The following TTBK2 variants were observed in gnomAD, a reference collection of about 807,000 sequenced individuals.
TTBK2 encodes the protein tau-tubulin kinase 2.
A neutral mutation model predicts 110.8 loss-of-function variants in TTBK2; 28 were observed. That is an observed-to-expected ratio of 0.25 (90% CI 0.19 to 0.35). The LOEUF (loss-of-function observed/expected upper bound fraction) is 0.35, where lower values mean the gene tolerates loss of function less well. Among genes scored for constraint, TTBK2 ranks in the 10% least tolerant of loss-of-function variants. TTBK2 has a pLI of 1.00. For missense variants in TTBK2, 1,369 were observed against 1,500.3 expected, an observed-to-expected ratio of 0.91 and a Z score of 1.45; for synonymous variants, 532 against 527.3, an observed-to-expected ratio of 1.01 and a Z score of -0.12.
At chr15:42,782,604 T>C (rs1890224580) in intron 11 of TTBK2, among the ~76,000 whole-genome samples, 1 of 152,236 alleles carries the variant, frequency 6.6e-6, no homozygotes. Flanking sequence ...TAAATTGTCT[T>C]CAATATTTAG....
chr15:42,793,847 A>T (rs12324174), intron 10 of TTBK2, among the ~76,000 whole-genome samples: 131 of 152,226 alleles, frequency 8.6e-4, no homozygotes, highest in African/African-American at 3.0e-3. Flanking sequence ...TTAAAAAAAA[A>T]AAAAATAAAA....
intron 3 of TTBK2, among the ~76,000 whole-genome samples, chr15:42,848,159 G>T (rs1820581579): frequency 6.6e-6 from 1 of 152,098 alleles, no homozygotes; most frequent in Admixed American, 6.5e-5. Context: ...GCCTCACAAA[G>T]ACATTTTTAA....
chr15:42,752,777 A>G lies in TTBK2; in HGVS notation c.2469T>C (p.Leu823=), dbSNP rs2061885761. 1 of 1,614,160 alleles carries G rather than the reference A, an allele frequency of 6.2e-7. No homozygotes were observed. Among genetic ancestry groups the G allele is most frequent in the Non-Finnish European group, 8.5e-7 (1 of 1,180,028 alleles). ...EKDHSATTEP[L]DVTKTQTFSV... ...TAAAAGTCTGTGTTTTTGTCACATC[A>G]AGAGGTTCAGTAGTAGCTGAGTGAT... The change falls in exon 14 of 15, where the codon CTT becomes CTC. Residue 823 remains leucine (L), a synonymous_variant. Transcript: ENST00000267890.
chr15:42,901,204 T>C (rs1216987871), intron 1 of TTBK2, among the ~76,000 whole-genome samples: 3 of 151,492 alleles, frequency 2.0e-5, no homozygotes, highest in Non-Finnish European at 4.4e-5. Flanking sequence ...CTACTAAAAA[T>C]ACAAAAAATT....
At chr15:42,760,711 G>A (rs1402096477) in intron 13 of TTBK2, among the ~76,000 whole-genome samples, 1 of 152,140 alleles carries the variant, frequency 6.6e-6, no homozygotes, top group Non-Finnish European at 1.5e-5. Context: ...GGTATCTCAT[G>A]CTCTTGTATT....
chr15:42,757,668 A>G (rs974562429), intron 13 of TTBK2, among the ~76,000 whole-genome samples: 4 of 152,250 alleles, frequency 2.6e-5, no homozygotes, highest in Non-Finnish European at 4.4e-5. Flanking sequence ...TCCTTAAACT[A>G]TAAAGACATA....
chr15:42,855,813 C>T (rs1304109520), intron 3 of TTBK2, among the ~76,000 whole-genome samples: 16 of 152,190 alleles, frequency 1.1e-4, no homozygotes, highest in Non-Finnish European at 2.2e-4. Flanking sequence ...GCCTCCCGAG[C>T]AGCTGGGACT....
rs1428600731 is a variant in TTBK2 at position 42,777,042 on chromosome 15, G to C, written c.1398C>G (p.Phe466Leu). The C allele has an allele frequency of 1.2e-6, 2 of 1,614,016 alleles. No individual in the cohort carries two copies. The highest frequency in any genetic ancestry group is 1.7e-6 in the Non-Finnish European group (2 of 1,179,938). ...TLEPKPDTDK[F>L]LETCLEKMQK... ...ACACTATTTTATACCAGGTCTCAAGGAACTTGTCAGTGTCTGGCTTTGGCT... is the reference window on the plus strand; with the variant it reads ...ACACTATTTTATACCAGGTCTCAAGCAACTTGTCAGTGTCTGGCTTTGGCT... The change falls in exon 12 of 15, where the codon TTC becomes TTG. Residue 466 changes from phenylalanine (F) to leucine (L), a missense_variant. By Grantham distance (22) the Phe-to-Leu change is conservative. Coordinates refer to ENST00000267890, the MANE Select transcript of TTBK2 (RefSeq NM_173500.4).
At chr15:42,788,053 C>T (rs1890484840) in intron 10 of TTBK2, among the ~76,000 whole-genome samples, 1 of 151,986 alleles carries the variant, frequency 6.6e-6, no homozygotes, top group Admixed American at 6.5e-5. Flanking sequence ...GGTATTATAA[C>T]ATTATCTAAA....
chr15:42,743,184 A>G lies in TTBK2; in HGVS notation c.*2611T>C, dbSNP rs973568286. 1 of 152,254 alleles carries G rather than the reference A, an allele frequency of 6.6e-6. No individual in the cohort carries two copies. Among genetic ancestry groups the G allele is most frequent in the Non-Finnish European group, 1.5e-5 (1 of 68,046 alleles). 9.4% of individuals were successfully genotyped at this position (152,254 alleles called of 1,614,324 possible). A position where few individuals can be genotyped will look rare whatever the true frequency, so the allele number is the denominator to read the frequency against. ...GTTAATTCTTTCCTCTACATGCAAA[A>G]TAAAATATTCTTAAACGATGGACTG... On this transcript the variant is annotated 3_prime_UTR_variant, in exon 15 of 15. Coordinates refer to ENST00000267890, the MANE Select transcript of TTBK2 (RefSeq NM_173500.4).
At chr15:42,882,386 G>A (rs960547011) in intron 1 of TTBK2, among the ~76,000 whole-genome samples, 8 of 152,090 alleles carry the variant, frequency 5.3e-5, no homozygotes, top group African/African-American at 1.9e-4. Flanking sequence ...ATCACCTGAG[G>A]TCAGGAGTTT....
chr15:42,816,085 A>ATATATATATATATATATAT (rs1567040790), intron 7 of TTBK2, among the ~76,000 whole-genome samples: 1 of 67,448 alleles, frequency 1.5e-5, no homozygotes, highest in Non-Finnish European at 2.4e-5. Context: ...TAAATAAATA[A>ATATATATATATATATATAT]ATATATATAT....
intron 9 of TTBK2, chr15:42,800,279 C>T (rs915294733): frequency 2.1e-5 from 9 of 438,658 alleles, no homozygotes; most frequent in Middle Eastern, 3.3e-4. Flanking sequence ...TGACTATATA[C>T]CTATATGCAG....
intron 13 of TTBK2, among the ~76,000 whole-genome samples, chr15:42,764,051 T>C (rs1026474067): frequency 6.6e-6 from 1 of 152,166 alleles, no homozygotes; most frequent in Non-Finnish European, 1.5e-5. Flanking sequence ...AGGCCTGTAA[T>C]TGCATATTAT....
At chr15:42,794,547 T>C (rs971515274) in intron 10 of TTBK2, 97 bp downstream of exon 10, 79 of 1,539,930 alleles carry the variant, frequency 5.1e-5, no homozygotes, top group Admixed American at 8.4e-5. Context: ...CCGGATGTCT[T>C]AGCATTTGGT....
Position 42,848,032 on chromosome 15 carries a change from T to C in TTBK2, c.218-7599A>G, listed in dbSNP as rs571334286. Among the ~76,000 whole-genome samples, 9 of 152,274 alleles carry C rather than the reference T, an allele frequency of 5.9e-5. No individual in the cohort carries two copies. The East Asian group carries it at 7.7e-4, about 13-fold the overall frequency. Reference sequence around the variant, plus strand: ...GAGTTTATTTTTTTTTCTTAGTTTATAGAGATGCGGGTCTCACTAGGTGTT... The same window carrying C: ...GAGTTTATTTTTTTTTCTTAGTTTACAGAGATGCGGGTCTCACTAGGTGTT... On this transcript the variant is annotated intron_variant, in intron 3 of 14. Coordinates refer to ENST00000267890, the MANE Select transcript of TTBK2 (RefSeq NM_173500.4).
chr15:42,750,875 A>G (rs1198740533), intron 14 of TTBK2, among the ~76,000 whole-genome samples: 1 of 152,226 alleles, frequency 6.6e-6, no homozygotes, highest in East Asian at 1.9e-4. Flanking sequence ...AAATTATCAG[A>G]ACACTTCTCA....
chr15:42,814,767 CGTT>C (rs1404024527), intron 7 of TTBK2, among the ~76,000 whole-genome samples: 1 of 152,168 alleles, frequency 6.6e-6, no homozygotes, highest in Non-Finnish European at 1.5e-5. Context: ...AACTAACAAT[CGTT>C]GTGAACTATG....
intron 10 of TTBK2, among the ~76,000 whole-genome samples, chr15:42,791,926 G>C (rs2140855234): frequency 6.6e-6 from 1 of 152,288 alleles, no homozygotes; most frequent in East Asian, 1.9e-4. Context: ...TGGATCACCT[G>C]AGGTCAGGAT....
Sources: allele counts gnomAD v4.1 joint callset (sites outside exome capture counted in the v4.1 genomes callset), GRCh38; gene constraint gnomAD v4.1.1; transcripts MANE v1.5; gene names NCBI Gene and HGNC (gene_info 2026-07-23, HGNC 2026-07-21).